Variants in PTPRT observed in about 807,000 individuals in gnomAD.
PTPRT encodes the protein protein tyrosine phosphatase receptor type T, also known as receptor-type tyrosine-protein phosphatase T.
PTPRT carries 56 observed loss-of-function variants against 176.8 expected under a neutral mutation model. The ratio of observed to expected loss-of-function variants is 0.32; its 90% confidence interval spans 0.26 to 0.40. PTPRT has a LOEUF of 0.40. Among genes scored for constraint, PTPRT ranks in the 10% least tolerant of loss-of-function variants. The pLI is 1.00. For synonymous variants in PTPRT, 783 were observed against 739.0 expected (o/e 1.06, Z -0.96); for missense variants, 1,540 against 1,908.2 (o/e 0.81, Z 3.60).
At chr20:42,274,536 A>T (rs1393444351) in intron 13 of PTPRT, among the ~76,000 whole-genome samples, 1 of 113,296 alleles carries the variant, frequency 8.8e-6, no homozygotes, top group Non-Finnish European at 1.7e-5. Context: ...GGCCCTGTAC[A>T]GTGTGTGTGT....
In PTPRT at chr20:42,999,615, T is replaced by TGTTGTTGTTGTTG. The variant is rs35015314; in HGVS notation, c.89-113684_89-113683insCAACAACAACAAC. Among the ~76,000 whole-genome samples, 112 of 150,554 alleles carry TGTTGTTGTTGTTG rather than the reference T, an allele frequency of 7.4e-4. 1 individual carries two copies. Among genetic ancestry groups the TGTTGTTGTTGTTG allele is most frequent in the Admixed American group, 2.0e-3 (30 of 15,188 alleles). ...TAAAAAAAAAACTTGTGGTTTTTTTTTTGTTGTTGTTGTTGTTGTGGTGGT... is the reference window on the plus strand; with the variant it reads ...TAAAAAAAAAACTTGTGGTTTTTTTTGTTGTTGTTGTTGTTGTTGTTGTTGTTGTTGTGGTGGT... On this transcript the variant is annotated intron_variant, in intron 1 of 30. Transcript: ENST00000373187.
At position 42,101,331 on chromosome 20, in the gene PTPRT, CCT is replaced by C. The variant is rs1475150859; in HGVS notation, c.3714+791_3714+792del. On this transcript the variant is annotated intron_variant, in intron 26 of 30. Transcript: ENST00000373187. ...TGAGCAAGTCTCTTTCTCTGTCTGG[CCT>C]CTGTTTTCTCTGCTGAAAAGTGCAT... 3.3e-5 allele frequency among the ~76,000 whole-genome samples: 5 copies of C among 152,172 alleles called. No homozygotes were observed. In the East Asian group the frequency reaches 9.6e-4, roughly 29 times the overall value.
intron 15 of PTPRT, among the ~76,000 whole-genome samples, chr20:42,207,927 G>C (rs1449975211): frequency 3.0e-4 from 8 of 26,934 alleles, no homozygotes; most frequent in Non-Finnish European, 3.9e-4. Flanking sequence ...AAGCCCATCA[G>C]ACTAACAGCG....
chr20:43,095,461 G>T (rs2012095086), intron 1 of PTPRT, among the ~76,000 whole-genome samples: 1 of 152,174 alleles, frequency 6.6e-6, no homozygotes, highest in South Asian at 2.1e-4. Context: ...CACAACATTT[G>T]TGTTTCTGGA....
intron 8 of PTPRT, among the ~76,000 whole-genome samples, chr20:42,461,516 C>A (rs1302200054): frequency 6.6e-6 from 1 of 152,116 alleles, no homozygotes; most frequent in Non-Finnish European, 1.5e-5. Context: ...GCCTGGGAGA[C>A]ACAGTGAAAC....
Position 42,079,130 on chromosome 20 carries a change from A to AGAGTTTCCCTGGCTGGTCC in PTPRT, c.*1748_*1749insGGACCAGCCAGGGAAACTC, listed in dbSNP as rs1983065793. ...GGTCGAGAGTTTCCCTGGCTGGTCC[A>AGAGTTTCCCTGGCTGGTCC]TTCATAGCCTGAAGGAACAGGGAAT... On this transcript the variant is annotated 3_prime_UTR_variant, in exon 31 of 31. Coordinates refer to ENST00000373187, the MANE Select transcript of PTPRT (RefSeq NM_007050.6). 5.2e-6 allele frequency: 1 copy of AGAGTTTCCCTGGCTGGTCC among 191,514 alleles called. No homozygotes were observed. The highest frequency in any genetic ancestry group is 2.3e-5 in the African/African-American group (1 of 42,988). The allele number at this position is 191,514 out of a possible 1,614,324, so 11.9% of individuals were successfully genotyped here.
chr20:42,247,551 C>T (rs924611181), intron 14 of PTPRT, among the ~76,000 whole-genome samples: 1 of 152,128 alleles, frequency 6.6e-6, no homozygotes, highest in Non-Finnish European at 1.5e-5. Flanking sequence ...AAGTTCCCAG[C>T]CCTTGTTCTT....
intron 23 of PTPRT, 149 bp from the exon 24 acceptor site, chr20:42,107,070 T>C: frequency 7.0e-6 from 7 of 1,006,906 alleles, no homozygotes; most frequent in Non-Finnish European, 9.9e-6. Flanking sequence ...ATGTATAGTT[T>C]GTAATGCATG....
intron 1 of PTPRT, among the ~76,000 whole-genome samples, chr20:42,993,978 C>G (rs6124515): frequency 6.6e-6 from 1 of 152,150 alleles, no homozygotes; most frequent in African/African-American, 2.4e-5. Context: ...TCAGTATAGT[C>G]TTCTCAGTGA....
At chr20:43,003,128 C>T (rs1032503172) in intron 1 of PTPRT, among the ~76,000 whole-genome samples, 11 of 152,080 alleles carry the variant, frequency 7.2e-5, no homozygotes, top group Admixed American at 2.6e-4. Context: ...ATATATCTTT[C>T]AAAAGAGCAC....
At chr20:42,885,189 T>TA (rs2079082960) in intron 2 of PTPRT, among the ~76,000 whole-genome samples, 1 of 147,356 alleles carries the variant, frequency 6.8e-6, no homozygotes, top group South Asian at 2.1e-4. Context: ...TATGACCTTA[T>TA]AAAAATCTGT....
chr20:42,437,517 T>C (rs2059272720), intron 9 of PTPRT, among the ~76,000 whole-genome samples: 1 of 152,206 alleles, frequency 6.6e-6, no homozygotes, highest in Admixed American at 6.5e-5. Context: ...CAGTGAATTT[T>C]CTTTATGCCA....
At chr20:42,558,755 T>G (rs1464146529) in intron 7 of PTPRT, among the ~76,000 whole-genome samples, 1 of 152,166 alleles carries the variant, frequency 6.6e-6, no homozygotes, top group Non-Finnish European at 1.5e-5. Context: ...AATATTGCAC[T>G]GATGTAACCA....
chr20:42,188,458 A>G (rs868041219), intron 16 of PTPRT, among the ~76,000 whole-genome samples: 1 of 152,178 alleles, frequency 6.6e-6, no homozygotes, highest in African/African-American at 2.4e-5. Flanking sequence ...AAGTTACTTA[A>G]GTTCTCTGAG....
At chr20:42,136,688 G>A (rs1282636370) in intron 18 of PTPRT, among the ~76,000 whole-genome samples, 1 of 152,140 alleles carries the variant, frequency 6.6e-6, no homozygotes, top group African/African-American at 2.4e-5. Flanking sequence ...CCCACTGAGG[G>A]GCCTTTCTGA....
intron 9 of PTPRT, among the ~76,000 whole-genome samples, chr20:42,368,771 C>G (rs1003495629): frequency 1.3e-5 from 2 of 152,140 alleles, no homozygotes; most frequent in Non-Finnish European, 2.9e-5. Flanking sequence ...AAAGTAATAG[C>G]AATTGAAATA....
At chr20:42,594,971 C>T (rs1386353514) in intron 7 of PTPRT, among the ~76,000 whole-genome samples, 1 of 152,146 alleles carries the variant, frequency 6.6e-6, no homozygotes, top group Non-Finnish European at 1.5e-5. Context: ...AAAGATCTTG[C>T]TGTACTTCAC....
chr20:42,102,514 C>A (rs1034534205), intron 25 of PTPRT, among the ~76,000 whole-genome samples: 1 of 152,118 alleles, frequency 6.6e-6, no homozygotes, highest in Non-Finnish European at 1.5e-5. Context: ...ACCTTCAAAA[C>A]GCCAAGGCTG....
chr20:42,557,581 A>G (rs989911369), intron 7 of PTPRT, among the ~76,000 whole-genome samples: 8 of 152,086 alleles, frequency 5.3e-5, no homozygotes, highest in Admixed American at 5.2e-4. Flanking sequence ...CCTTCTCACC[A>G]TTTTTTTAAT....
Sources: allele counts gnomAD v4.1 joint callset (sites outside exome capture counted in the v4.1 genomes callset), GRCh38; gene constraint gnomAD v4.1.1; transcripts MANE v1.5; gene names NCBI Gene and HGNC (gene_info 2026-07-23, HGNC 2026-07-21).